SLC26A11: variants seen among roughly 807,000 people sequenced by gnomAD.
The protein encoded by SLC26A11 is solute carrier family 26 member 11.
A neutral mutation model predicts 62.2 loss-of-function variants in SLC26A11; 58 were observed. That is an observed-to-expected ratio of 0.93 (90% confidence interval 0.76 to 1.16). SLC26A11 has a LOEUF of 1.16. Among genes scored for constraint, SLC26A11 ranks in the 50% most tolerant of loss-of-function variants. SLC26A11 has a pLI of 0.00. For synonymous variants in SLC26A11, 411 were observed against 368.9 expected (o/e 1.11, Z -1.31); for missense variants, 790 against 794.3 (o/e 0.99, Z 0.06).
chr17:80,244,656 G>C (rs181278563), intron 10 of SLC26A11, among the ~76,000 whole-genome samples: 2 of 151,908 alleles, frequency 1.3e-5, no homozygotes, highest in East Asian at 3.9e-4. Flanking sequence ...AGCCTGGCCA[G>C]CATGGCAAAA....
intron 9 of SLC26A11, among the ~76,000 whole-genome samples, chr17:80,238,820 GTTTTTTGTTTTT>G (rs1268703080): frequency 1.1e-5 from 1 of 87,366 alleles, no homozygotes; most frequent in Admixed American, 1.3e-4. Flanking sequence ...AGTTTTTTTT[GTTTTTTGTTTTT>G]TTTTTTTTTT....
chr17:80,224,464 AGTGT>A (rs747690307), intron 5 of SLC26A11, among the ~76,000 whole-genome samples: 14 of 150,928 alleles, frequency 9.3e-5, no homozygotes, highest in Non-Finnish European at 1.8e-4. Context: ...TGAGAGTGTG[AGTGT>A]GTGAGTGTGA....
At chr17:80,236,865 C>T (rs760282117) in intron 7 of SLC26A11, 63 bp from the exon 8 acceptor site, 212 of 1,539,802 alleles carry the variant, frequency 1.4e-4, no homozygotes, top group Non-Finnish European at 1.7e-4. Context: ...AACCTGGAGG[C>T]AGCCGCGCTA....
At position 80,246,768 on chromosome 17, in the gene SLC26A11, G is replaced by A. The variant is rs535161783; in HGVS notation, c.1294+119G>A. On this transcript the variant is annotated intron_variant, in intron 13 of 17. Transcript: ENST00000361193. The surrounding 1 kb of genome is among the most constrained non-coding windows in gnomAD (Gnocchi z 4.4). ...TGTGGGGCTGGGACTGGGAAGTTAG[G>A]GCAGTCCCGGAACAGAGAAGTGGAT... is the stretch of plus-strand genomic sequence containing the variant. The A allele has an allele frequency of 4.4e-5, 59 of 1,336,996 alleles. No individual in the cohort carries two copies. Among genetic ancestry groups the A allele is most frequent in the Middle Eastern group, 3.8e-4 (2 of 5,300 alleles). The allele number at this position is 1,336,996 out of a possible 1,614,324, so 82.8% of individuals were successfully genotyped here. A position where few individuals can be genotyped will look rare whatever the true frequency, so the allele number is the denominator to read the frequency against.
chr17:80,237,187 T>G (rs1369564599), intron 8 of SLC26A11, 84 bp downstream of exon 8: 1 of 1,491,598 alleles, frequency 6.7e-7, no homozygotes, highest in Non-Finnish European at 9.0e-7. Context: ...ATCTGCTGGG[T>G]GCCAGGGGGT....
chr17:80,252,863 G>T lies in SLC26A11; in HGVS notation c.*147G>T, dbSNP rs564857771. ...AACCCAGGGAAGAGAAGGAAGCCAG[G>T]CCTGGAGGTCCACGGCAGTGGGAGT... On this transcript the variant is annotated 3_prime_UTR_variant, in exon 18 of 18. Coordinates refer to ENST00000361193, the MANE Select transcript of SLC26A11 (RefSeq NM_001166347.2). The surrounding 1 kb of genome is among the most constrained non-coding windows in gnomAD (Gnocchi z 5.2). 77 of 664,824 alleles carry T rather than the reference G, an allele frequency of 1.2e-4. 1 individual carries two copies. In the South Asian group the frequency reaches 1.5e-3, roughly 13 times the overall value. 41.2% of individuals were successfully genotyped at this position (664,824 alleles called of 1,614,324 possible).
At chr17:80,237,236 C>A in intron 8 of SLC26A11, 133 bp downstream of exon 8, 1 of 1,099,398 alleles carries the variant, frequency 9.1e-7, no homozygotes, top group Non-Finnish European at 1.3e-6. Flanking sequence ...CAGGAACGGA[C>A]ATCTCAGTTA....
Position 80,248,671 on chromosome 17 carries a change from G to C in SLC26A11, c.1519G>C (p.Glu507Gln). 1 of 1,568,370 alleles carries C rather than the reference G, an allele frequency of 6.4e-7. No homozygotes were observed. Among genetic ancestry groups the C allele is most frequent in the Non-Finnish European group, 8.6e-7 (1 of 1,156,528 alleles). Reference protein sequence around the residue: ...LREEILSRALEVSPPRCLVLE... With the variant: ...LREEILSRALQVSPPRCLVLE... The stretch of plus-strand genomic sequence containing the variant: ...GGAGGAGATCCTAAGCCGGGCCCTG[G>C]AAGGTGCATGGGCGGGGGTCAAGGT... The change falls in exon 15 of 18, where the codon GAA (glutamate) becomes CAA (glutamine). Residue 507 changes from glutamate (E) to glutamine (Q), a missense_variant. By Grantham distance (29) the Glu-to-Gln change is conservative. Transcript: ENST00000361193.
chr17:80,226,188 A>G (rs563934750), intron 6 of SLC26A11, among the ~76,000 whole-genome samples: 1 of 152,252 alleles, frequency 6.6e-6, no homozygotes, highest in Admixed American at 6.5e-5. Flanking sequence ...GGAGCAGGGC[A>G]ATGTTCCTCT....
chr17:80,241,721 G>T lies in SLC26A11; in HGVS notation c.986-50G>T. On this transcript the variant is annotated intron_variant, in intron 9 of 17. Transcript: ENST00000361193. ...GTGTTACATTTTGTGAATACTTTTTGAGCGATGTTGAATATTACTGACCAG... is the reference window on the plus strand; with the variant it reads ...GTGTTACATTTTGTGAATACTTTTTTAGCGATGTTGAATATTACTGACCAG... The T allele has an allele frequency of 1.9e-6, 3 of 1,574,944 alleles. No homozygotes were observed. The South Asian group carries it at 3.3e-5, about 17-fold the overall frequency.
chr17:80,240,291 C>T (rs1344948798), intron 9 of SLC26A11, among the ~76,000 whole-genome samples: 14 of 151,954 alleles, frequency 9.2e-5, no homozygotes, highest in African/African-American at 2.2e-4. Flanking sequence ...GGCGTGAACC[C>T]GGGAGGCGGA....
At position 80,221,620 on chromosome 17, in the gene SLC26A11, G is replaced by C; in HGVS notation, c.60G>C (p.Pro20=). The stretch of plus-strand genomic sequence containing the variant: ...GGTCCTCTGGCCCCGGGATGGCCCC[G>C]AGCGCCTGCTGCTGCTCCCCTGCGG... ...QARSSGPGMA[P]SACCCSPAAL... is the part of the protein sequence containing the mutation. Residue 20 remains proline (P), a synonymous_variant, in exon 3 of 18, where the codon CCG becomes CCC. Transcript: ENST00000361193. 6.2e-7 allele frequency: 1 copy of C among 1,609,766 alleles called. No homozygotes were observed. Among genetic ancestry groups the C allele is most frequent in the Non-Finnish European group, 8.5e-7 (1 of 1,179,724 alleles).
At chr17:80,234,873 G>T in intron 7 of SLC26A11, among the ~76,000 whole-genome samples, 1 of 146,622 alleles carries the variant, frequency 6.8e-6, no homozygotes, top group Non-Finnish European at 1.5e-5. Flanking sequence ...TTTTTAAGAT[G>T]GAGTTTCGCT....
chr17:80,244,070 G>A (rs900751414), intron 10 of SLC26A11, among the ~76,000 whole-genome samples: 4 of 152,198 alleles, frequency 2.6e-5, no homozygotes, highest in African/African-American at 9.7e-5. Context: ...CATGTCACCC[G>A]GGATGCCCTG....
At chr17:80,221,848 C>T in intron 3 of SLC26A11, 54 bp downstream of exon 3, 1 of 1,510,992 alleles carries the variant, frequency 6.6e-7, no homozygotes, top group South Asian at 1.2e-5. Flanking sequence ...GCAGAATACA[C>T]AGTATCAATC....
chr17:80,251,420 C>T lies in SLC26A11; in HGVS notation c.1729+19C>T, dbSNP rs1213162928. The T allele has an allele frequency of 6.2e-6, 10 of 1,612,884 alleles. No individual in the cohort carries two copies. Among genetic ancestry groups the T allele is most frequent in the Non-Finnish European group, 8.5e-6 (10 of 1,179,524 alleles). ...GAAGCAGGTGGGCACAGTCAGACAT[C>T]CTGTGGCTTTGGTGATTTTGTAAAA... On this transcript the variant is annotated intron_variant, in intron 17 of 17. Coordinates refer to ENST00000361193, the MANE Select transcript of SLC26A11 (RefSeq NM_001166347.2).
chr17:80,227,093 C>T (rs1017011142), intron 6 of SLC26A11, among the ~76,000 whole-genome samples: 5 of 152,166 alleles, frequency 3.3e-5, no homozygotes, highest in African/African-American at 1.2e-4. Context: ...TAGTCCTAAG[C>T]CTTCTAGAAT....
intron 2 of SLC26A11, 145 bp downstream of exon 2, chr17:80,221,260 T>G (rs2042173509): frequency 2.5e-6 from 1 of 401,704 alleles, no homozygotes; most frequent in African/African-American, 2.1e-5. Context: ...GAGGAATCGC[T>G]TATCAGTTTC....
chr17:80,237,718 C>A, intron 9 of SLC26A11, 124 bp downstream of exon 9: 1 of 867,802 alleles, frequency 1.2e-6, no homozygotes, highest in Admixed American at 2.3e-5. Context: ...CCAAGTAATA[C>A]ATGCTCATGA....
Sources: gnomAD v4.1 joint callset for allele counts (sites outside exome capture counted in the v4.1 genomes callset) on GRCh38, gnomAD v4.1.1 for gene constraint, Gnocchi (gnomAD v3.1) non-coding constraint, MANE v1.5 for transcripts, NCBI Gene and HGNC (gene_info 2026-07-23, HGNC 2026-07-21) for gene names.